TBC1D31: variants seen among roughly 807,000 people sequenced by gnomAD.
TBC1D31 encodes TBC1 domain family member 31, also known as WD repeat domain 67.
Under a neutral mutation model 132.9 loss-of-function variants are expected in TBC1D31, and 99 were observed. That is an observed-to-expected ratio of 0.74 (90% CI 0.63 to 0.88). TBC1D31 has a LOEUF of 0.88. Among genes scored for constraint, TBC1D31 ranks in the 40% least tolerant of loss-of-function variants. TBC1D31 has a pLI of 0.00. For synonymous variants in TBC1D31, 385 were observed against 419.4 expected (o/e 0.92, Z 1.00); for missense variants, 1,134 against 1,256.6 (o/e 0.90, Z 1.48).
chr8:123,115,012 GTTATT>G (rs1043819809), intron 10 of TBC1D31, among the ~76,000 whole-genome samples: 2 of 152,042 alleles, frequency 1.3e-5, no homozygotes, highest in African/African-American at 4.8e-5. Context: ...TGACATTTAG[GTTATT>G]TTATGTTTAT....
chr8:123,081,718 A>G lies in TBC1D31; in HGVS notation c.225-984A>G, dbSNP rs142000204. On this transcript the variant is annotated intron_variant, in intron 2 of 21. Transcript: ENST00000287380. ...GGCCTCACAATCATGGCAGAACGCA[A>G]AGGTACTTCTTACGTAGTGGTGGCA... is the stretch of plus-strand genomic sequence containing the variant. Among the ~76,000 whole-genome samples the G allele has an allele frequency of 1.0e-3, 153 of 152,332 alleles. 1 individual carries two copies. The highest frequency in any genetic ancestry group is 1.8e-3 in the Non-Finnish European group (125 of 68,034).
chr8:123,142,173 C>T (rs780107430), intron 18 of TBC1D31, 89 bp from the exon 19 acceptor site: 8 of 958,620 alleles, frequency 8.3e-6, no homozygotes, highest in Non-Finnish European at 1.0e-5. Context: ...AACAACTGCC[C>T]CAGACACTTG....
the TBC1D31 span, among the ~76,000 whole-genome samples, chr8:123,157,315 T>C: frequency 1.3e-4 from 20 of 152,220 alleles, no homozygotes; most frequent in South Asian, 2.1e-4. Context: ...CTAGTAAGGG[T>C]TTCCGGACGG....
At chr8:123,158,626 A>G in the TBC1D31 span, among the ~76,000 whole-genome samples, 1 of 152,250 alleles carries the variant, frequency 6.6e-6, no homozygotes, top group East Asian at 1.9e-4. Context: ...TGGGGGTGGA[A>G]TTTTGTTAAT....
In TBC1D31 at chr8:123,093,710, T is replaced by C. The variant is rs548676356; in HGVS notation, c.639T>C (p.Ser213=). The C allele has an allele frequency of 5.0e-6, 8 of 1,608,360 alleles. No homozygotes were observed. The East Asian group carries it at 1.8e-4, about 36-fold the overall frequency. Residue 213 remains serine, a synonymous_variant, in exon 5 of 22, where the codon TCT becomes TCC. Transcript: ENST00000287380. ...AATTGCCAGCTCCACCTGAAAGCTC[T>C]AGTATATTATACAAAGTGTTTGCTG... ...KYQLPAPPES[S]SILYKVFAVT... is the part of the protein sequence containing the mutation.
In TBC1D31 at chr8:123,152,128, A is replaced by G. The variant is rs1230151528; in HGVS notation, c.*189A>G. 2.0e-6 allele frequency: 1 copy of G among 490,530 alleles called. No homozygotes were observed. The highest frequency in any genetic ancestry group is 3.2e-6 in the Non-Finnish European group (1 of 309,754). 30.4% of individuals were successfully genotyped at this position (490,530 alleles called of 1,614,324 possible). ...TAAATGGCTTCTTGAACTTTTTACA[A>G]TAAAAATGTTTTAGAAACTGTTAAA... On this transcript the variant is annotated 3_prime_UTR_variant, in exon 22 of 22. Transcript: ENST00000287380.
Position 123,097,290 on chromosome 8 carries a change from G to T in TBC1D31, c.680G>T (p.Arg227Leu), listed in dbSNP as rs143777547. The T allele has an allele frequency of 6.2e-7, 1 of 1,613,846 alleles. No homozygotes were observed. Among genetic ancestry groups the T allele is most frequent in the Non-Finnish European group, 8.5e-7 (1 of 1,179,964 alleles). Reference protein sequence around the residue: ...YKVFAVTRDGRILAAGGKSNH... With the variant: ...YKVFAVTRDGLILAAGGKSNH... ...CTTTTTTGTTTATATAGAGATGGCC[G>T]AATCCTGGCTGCTGGAGGCAAGTCA... is the stretch of plus-strand genomic sequence containing the variant. Residue 227 changes from arginine to leucine, a missense_variant, in exon 6 of 22, where the codon CGA becomes CTA. Transcript: ENST00000287380.
chr8:123,114,562 T>A (rs779403086), intron 10 of TBC1D31, among the ~76,000 whole-genome samples: 3 of 152,186 alleles, frequency 2.0e-5, no homozygotes, highest in Non-Finnish European at 2.9e-5. Flanking sequence ...CCTCAGGTGA[T>A]CTGCTCGCCT....
intron 1 of TBC1D31, among the ~76,000 whole-genome samples, chr8:123,075,820 A>C (rs1268709766): frequency 6.6e-6 from 1 of 152,210 alleles, no homozygotes; most frequent in African/African-American, 2.4e-5. Context: ...TTGTGACGAG[A>C]ATATACGCAC....
chr8:123,162,195 C>G, the TBC1D31 span, among the ~76,000 whole-genome samples: 1 of 152,042 alleles, frequency 6.6e-6, no homozygotes, highest in African/African-American at 2.4e-5. Flanking sequence ...TACTATCCCC[C>G]TACAGTACAT....
intron 7 of TBC1D31, 104 bp from the exon 8 acceptor site, chr8:123,105,184 A>C: frequency 1.3e-6 from 1 of 775,002 alleles, no homozygotes. Flanking sequence ...ATAATTCTAC[A>C]TATTAAGGCA....
intron 2 of TBC1D31, among the ~76,000 whole-genome samples, chr8:123,077,519 A>T (rs1814656373): frequency 1.3e-5 from 2 of 150,354 alleles, no homozygotes; most frequent in Non-Finnish European, 2.9e-5. Flanking sequence ...AAATTTAAAA[A>T]TTTATTATTG....
chr8:123,083,123 A>G (rs1815342345), intron 3 of TBC1D31: 2 of 200,058 alleles, frequency 1.0e-5, no homozygotes, highest in African/African-American at 2.3e-5. Flanking sequence ...AGCCAAAGGA[A>G]GAGAAACATG....
At chr8:123,098,911 C>T (rs550939584) in intron 6 of TBC1D31, among the ~76,000 whole-genome samples, 1 of 152,196 alleles carries the variant, frequency 6.6e-6, no homozygotes, top group African/African-American at 2.4e-5. Context: ...TCCTACAAGC[C>T]AACCAACAGG....
downstream of TBC1D31, among the ~76,000 whole-genome samples, chr8:123,156,923 T>C (rs563634638): frequency 2.4e-4 from 37 of 152,176 alleles, no homozygotes; most frequent in African/African-American, 8.4e-4. Flanking sequence ...ACTCCTACCC[T>C]AACCCAGAGC....
the TBC1D31 span, among the ~76,000 whole-genome samples, chr8:123,164,432 A>C: frequency 6.6e-6 from 1 of 152,134 alleles, no homozygotes; most frequent in African/African-American, 2.4e-5. Flanking sequence ...AGAATGAAGA[A>C]TAATCCAGGC....
intron 17 of TBC1D31, among the ~76,000 whole-genome samples, chr8:123,136,703 G>A (rs895823149): frequency 9.9e-5 from 15 of 152,172 alleles, no homozygotes; most frequent in African/African-American, 2.9e-4. Flanking sequence ...CGCCCGCCTC[G>A]GCCTCCCAAA....
At chr8:123,153,165 G>T (rs1822898478), downstream of TBC1D31, among the ~76,000 whole-genome samples, 1 of 152,084 alleles carries the variant, frequency 6.6e-6, no homozygotes, top group African/African-American at 2.4e-5. Flanking sequence ...TGTGTTTTTT[G>T]ACAACAGGAA....
intron 17 of TBC1D31, among the ~76,000 whole-genome samples, chr8:123,136,263 C>T (rs1821080464): frequency 1.3e-5 from 2 of 152,152 alleles, no homozygotes; most frequent in South Asian, 4.1e-4. Flanking sequence ...GTTGTTGTCA[C>T]TTTAGTCTCC....
Sources: allele counts gnomAD v4.1 joint callset (sites outside exome capture counted in the v4.1 genomes callset), GRCh38; gene constraint gnomAD v4.1.1; transcripts MANE v1.5; gene names NCBI Gene and HGNC (gene_info 2026-07-23, HGNC 2026-07-21).